DDI2: variants seen among roughly 807,000 people sequenced by gnomAD.
DDI2 encodes the protein DDI proteasomal shuttling factor 2.
DDI2 carries 5 observed loss-of-function variants against 48.1 expected under a neutral mutation model. That is an observed-to-expected ratio of 0.10 (90% CI 0.05 to 0.22). The LOEUF (loss-of-function observed/expected upper bound fraction) is 0.22. Among genes scored for constraint, DDI2 ranks in the 10% least tolerant of loss-of-function variants. The probability of loss-of-function intolerance (pLI) is 1.00; values close to 1 mark genes in which losing one functional copy is unlikely to be tolerated. For synonymous variants in DDI2, 205 were observed against 183.6 expected (o/e 1.12, Z -0.94); for missense variants, 285 against 506.2 (o/e 0.56, Z 4.19).
chr1:15,642,973 A>G (rs1335295275), intron 5 of DDI2, among the ~76,000 whole-genome samples: 1 of 152,194 alleles, frequency 6.6e-6, no homozygotes. Context: ...AGGCTGAGGC[A>G]GGAGAATGGT....
chr1:15,631,242 G>T (rs1297439490), intron 3 of DDI2, among the ~76,000 whole-genome samples: 1 of 152,156 alleles, frequency 6.6e-6, no homozygotes, highest in African/African-American at 2.4e-5. Context: ...GCCCTGTATG[G>T]CAAAATGGAA....
intron 3 of DDI2, among the ~76,000 whole-genome samples, chr1:15,632,389 T>A (rs965872745): frequency 6.6e-6 from 1 of 151,968 alleles, no homozygotes; most frequent in Non-Finnish European, 1.5e-5. Flanking sequence ...AAAAATTAGC[T>A]GGACGTGGTG....
Position 15,623,557 on chromosome 1 carries a change from C to CTTA in DDI2, c.139-3088_139-3086dup, listed in dbSNP as rs202147595. Among the ~76,000 whole-genome samples, 726 of 84,068 alleles carry CTTA rather than the reference C, an allele frequency of 8.6e-3. 3 individuals are homozygous for CTTA. Among genetic ancestry groups the CTTA allele is most frequent in the East Asian group, 0.02 (95 of 4,830 alleles). The allele number at this position is 84,068 out of a possible 152,430, so 55.2% of individuals were successfully genotyped here. ...TACAGGCATATGCTACCATGCCTGG[C>CTTA]TTATTATTATTATTATTATTATTAT... On this transcript the variant is annotated intron_variant, in intron 1 of 9. Coordinates refer to ENST00000480945, the MANE Select transcript of DDI2 (RefSeq NM_032341.5).
intron 6 of DDI2, among the ~76,000 whole-genome samples, chr1:15,648,167 T>TA (rs1640120308): frequency 6.6e-6 from 1 of 152,164 alleles, no homozygotes; most frequent in Admixed American, 6.6e-5. Flanking sequence ...CTAAACACAG[T>TA]AGGACTAAGA....
intron 4 of DDI2, 130 bp downstream of exon 4, chr1:15,633,695 G>A (rs1639882544): frequency 1.5e-6 from 2 of 1,342,946 alleles, no homozygotes; most frequent in Middle Eastern, 1.9e-4. Context: ...AGTAACCTCA[G>A]TCTTTTAGGT....
Position 15,642,479 on chromosome 1 carries a change from G to C in DDI2, c.761-1043G>C, listed in dbSNP as rs79926318. 6.8e-3 allele frequency among the ~76,000 whole-genome samples: 1,043 copies of C among 152,290 alleles called. 9 individuals carry two copies. The highest frequency in any genetic ancestry group is 0.024 in the African/African-American group (1,007 of 41,570). On this transcript the variant is annotated intron_variant, in intron 5 of 9. Transcript: ENST00000480945. Reference sequence around the variant, plus strand: ...TTGAGCAGATAAAGTAGTAAATAATGTACTTACTTGTTTACATAGTGAGAC... The same window carrying C: ...TTGAGCAGATAAAGTAGTAAATAATCTACTTACTTGTTTACATAGTGAGAC...
At chr1:15,625,282 C>A (rs930018959) in intron 1 of DDI2, among the ~76,000 whole-genome samples, 1 of 152,096 alleles carries the variant, frequency 6.6e-6, no homozygotes, top group Non-Finnish European at 1.5e-5. Context: ...TCATGCCCCT[C>A]GCAGGGAGTT....
chr1:15,620,785 T>TA (rs1388624132), intron 1 of DDI2, among the ~76,000 whole-genome samples: 1 of 152,212 alleles, frequency 6.6e-6, no homozygotes, highest in Non-Finnish European at 1.5e-5. Flanking sequence ...GCATATATAA[T>TA]ATGTTATCTG....
intron 2 of DDI2, 59 bp from the exon 3 acceptor site, chr1:15,630,266 C>T: frequency 9.8e-6 from 15 of 1,537,248 alleles, no homozygotes; most frequent in Non-Finnish European, 1.3e-5. Flanking sequence ...CTGCTGTTTC[C>T]TTCAAGTGCT....
At position 15,649,732 on chromosome 1, in the gene DDI2, T is replaced by C; in HGVS notation, c.902T>C (p.Ile301Thr). The change falls in exon 7 of 10, where the codon ATT (isoleucine) becomes ACT (threonine). Residue 301 changes from isoleucine to threonine, a missense_variant. By Grantham distance (89) the Ile-to-Thr change is moderately conservative (BLOSUM62 -1). Transcript: ENST00000480945. ...IGRVHLAQVQ[I>T]EGDFLPCSFS... ...ATGTGCTTTTTAGCTCAGGTTCAGA[T>C]TGAAGGAGATTTTTTGCCATGTTCC... The C allele has an allele frequency of 6.2e-7, 1 of 1,612,942 alleles. No homozygotes were observed. The highest frequency in any genetic ancestry group is 8.5e-7 in the Non-Finnish European group (1 of 1,179,566).
rs147003506 is a variant in DDI2, at chr1:15,658,158, A to T, written c.*46+1479A>T. ...TTGATTTTTATTTTTTATTATTATT[A>T]TTTTTTATTTTGACTGAGTTTCACT... On this transcript the variant is annotated intron_variant, in intron 9 of 9. Transcript: ENST00000480945. 9.0e-4 allele frequency among the ~76,000 whole-genome samples: 136 copies of T among 151,736 alleles called. 2 individuals are homozygous for T. In the East Asian group the frequency reaches 0.023, roughly 25 times the overall value.
intron 7 of DDI2, among the ~76,000 whole-genome samples, chr1:15,650,644 A>G (rs1640163642): frequency 6.6e-6 from 1 of 152,140 alleles, no homozygotes; most frequent in African/African-American, 2.4e-5. Context: ...GGCTGAGGCA[A>G]GAGGATCCCT....
At chr1:15,659,603 C>T (rs1334306332) in intron 9 of DDI2, among the ~76,000 whole-genome samples, 2 of 152,202 alleles carry the variant, frequency 1.3e-5, no homozygotes, top group Non-Finnish European at 2.9e-5. Context: ...TACTTAATCA[C>T]ATTGAATTAC....
rs1310220756 is a variant in DDI2 at position 15,668,676 on chromosome 1, T to C, written c.*8886T>C. On this transcript the variant is annotated 3_prime_UTR_variant, in exon 10 of 10. Coordinates refer to ENST00000480945, the MANE Select transcript of DDI2 (RefSeq NM_032341.5). ...TGCAAGATTTTCTGACTTTAAGCTT[T>C]GAGACTACTGCATCTTAAAAGAAGA... 1 of 152,234 alleles carries C rather than the reference T, an allele frequency of 6.6e-6. No homozygotes were observed. Among genetic ancestry groups the C allele is most frequent in the Non-Finnish European group, 1.5e-5 (1 of 68,034 alleles). The allele number at this position is 152,234 out of a possible 1,614,324, so 9.4% of individuals were successfully genotyped here.
intron 4 of DDI2, among the ~76,000 whole-genome samples, chr1:15,637,472 G>A (rs1639946949): frequency 6.6e-6 from 1 of 152,066 alleles, no homozygotes; most frequent in Non-Finnish European, 1.5e-5. Flanking sequence ...GGTTCAAGCA[G>A]TTCTACTGCC....
Position 15,643,514 on chromosome 1 carries a change from T to C in DDI2, c.761-8T>C. 2 of 1,609,580 alleles carry C rather than the reference T, an allele frequency of 1.2e-6. No individual in the cohort carries two copies. The highest frequency in any genetic ancestry group is 1.7e-6 in the Non-Finnish European group (2 of 1,178,444). On this transcript the variant is annotated splice_polypyrimidine_tract_variant and splice_region_variant and intron_variant, in intron 5 of 9. Transcript: ENST00000480945. ...TTTTTATTGTCTGATGTTTCTCTAC[T>C]CCTCCAGGTGCCCAGATGACTATCA... is the stretch of plus-strand genomic sequence containing the variant.
intron 4 of DDI2, among the ~76,000 whole-genome samples, chr1:15,637,433 G>C (rs1639946241): frequency 6.6e-6 from 1 of 152,112 alleles, no homozygotes; most frequent in Admixed American, 6.6e-5. Context: ...GTGTAGTCGT[G>C]CGATCTTGGC....
rs1640407100 is a variant in DDI2 at position 15,663,269 on chromosome 1, TA to T, written c.*3481del. The T allele has an allele frequency of 6.6e-6, 1 of 152,386 alleles. No individual in the cohort carries two copies. The highest frequency in any genetic ancestry group is 1.9e-4 in the East Asian group (1 of 5,184). The allele number at this position is 152,386 out of a possible 1,614,324, so 9.4% of individuals were successfully genotyped here. A position where few individuals can be genotyped will look rare whatever the true frequency, so the allele number is the denominator to read the frequency against. ...TAAGCTTGTTTGTTTCATCAAATTT[TA>T]AGTCATTGAGCACAATCAAAATGGA... On this transcript the variant is annotated 3_prime_UTR_variant, in exon 10 of 10. Transcript: ENST00000480945.
chr1:15,620,803 A>ATATG (rs1639648447), intron 1 of DDI2, among the ~76,000 whole-genome samples: 1 of 152,210 alleles, frequency 6.6e-6, no homozygotes, highest in Non-Finnish European at 1.5e-5. Flanking sequence ...CTGTAAAGTA[A>ATATG]CATTGTACAC....
Sources: gnomAD v4.1 joint callset for allele counts (sites outside exome capture counted in the v4.1 genomes callset) on GRCh38, gnomAD v4.1.1 for gene constraint, MANE v1.5 for transcripts, NCBI Gene and HGNC (gene_info 2026-07-23, HGNC 2026-07-21) for gene names.